Variants in LHFPL3 observed in about 807,000 individuals in gnomAD.
The protein encoded by LHFPL3 is LHFPL tetraspan subfamily member 3.
A neutral mutation model predicts 19.3 loss-of-function variants in LHFPL3; 5 were observed. That is an observed-to-expected ratio of 0.26 (90% CI 0.14 to 0.54). The LOEUF is 0.54. LHFPL3 is among the 20% of genes least tolerant of loss of function. The probability of loss-of-function intolerance (pLI) is 0.94; values close to 1 mark genes in which losing one functional copy is unlikely to be tolerated. For missense variants in LHFPL3, 249 were observed against 307.4 expected (o/e 0.81, Z 1.42); for synonymous variants, 133 against 126.2 (o/e 1.05, Z -0.36).
At chr7:104,821,923 C>T (rs1055781073) in intron 2 of LHFPL3, among the ~76,000 whole-genome samples, 2 of 152,294 alleles carry the variant, frequency 1.3e-5, no homozygotes, top group East Asian at 1.9e-4. Context: ...AGAGCTCCCC[C>T]AGTTTGTAAC....
chr7:104,454,881 A>G (rs909698268), intron 1 of LHFPL3, among the ~76,000 whole-genome samples: 2 of 152,246 alleles, frequency 1.3e-5, no homozygotes, highest in African/African-American at 4.8e-5. Flanking sequence ...TTTAATTCAT[A>G]AAGTACAAAT....
chr7:104,635,168 T>TG (rs560956497), intron 1 of LHFPL3, among the ~76,000 whole-genome samples: 35 of 151,786 alleles, frequency 2.3e-4, no homozygotes, highest in Admixed American at 1.1e-3. Flanking sequence ...ATAGACAATA[T>TG]GGGGGGGAAA....
chr7:104,837,682 T>C (rs1339764914), intron 2 of LHFPL3, among the ~76,000 whole-genome samples: 1 of 152,128 alleles, frequency 6.6e-6, no homozygotes, highest in East Asian at 1.9e-4. Flanking sequence ...CATGAGTAAG[T>C]TCTTTAGTGG....
chr7:104,426,413 C>T (rs184107036), intron 1 of LHFPL3, among the ~76,000 whole-genome samples: 12 of 152,180 alleles, frequency 7.9e-5, no homozygotes, highest in African/African-American at 2.9e-4. Flanking sequence ...TGTGCCACCA[C>T]GCCCAGCTAA....
chr7:104,854,113 C>A (rs10243336), intron 2 of LHFPL3, among the ~76,000 whole-genome samples: 15,248 of 152,116 alleles, frequency 0.1, 1,615 homozygotes, highest in East Asian at 0.43. Flanking sequence ...AACATAACTT[C>A]ACGTATACAT....
intron 1 of LHFPL3, among the ~76,000 whole-genome samples, chr7:104,541,103 G>GACACAC (rs58831498): frequency 0.18 from 24,104 of 134,452 alleles, 2,714 homozygotes; most frequent in South Asian, 0.28. Flanking sequence ...TCCTCCCCAT[G>GACACAC]ACACACACAC....
intron 1 of LHFPL3, chr7:104,622,900 A>C (rs1048448025): frequency 1.4e-5 from 3 of 219,936 alleles, no homozygotes; most frequent in African/African-American, 4.6e-5. Context: ...TTTCCACAGC[A>C]GCTGCACCAT....
chr7:104,868,523 G>A (rs1407870419), intron 2 of LHFPL3, among the ~76,000 whole-genome samples: 28 of 152,112 alleles, frequency 1.8e-4, no homozygotes, highest in African/African-American at 4.3e-4. Flanking sequence ...TACAAGGGAC[G>A]TGAAGGACCT....
At position 104,877,978 on chromosome 7, in the gene LHFPL3, C is replaced by T. The variant is rs535433783; in HGVS notation, c.683-28209C>T. ...CCTCCCGAGTAGCTGGGACTACAGG[C>T]GCACGCCACCACACCTGGCTAATTT... On this transcript the variant is annotated intron_variant, in intron 2 of 2. Coordinates refer to ENST00000424859, the MANE Select transcript of LHFPL3 (RefSeq NM_199000.3). 2.7e-4 allele frequency among the ~76,000 whole-genome samples: 41 copies of T among 152,138 alleles called. 1 individual carries two copies. Among genetic ancestry groups the T allele is most frequent in the African/African-American group, 8.9e-4 (37 of 41,510 alleles).
At chr7:104,524,502 GAGTGTCTAA>G (rs1794144931) in intron 1 of LHFPL3, among the ~76,000 whole-genome samples, 1 of 152,084 alleles carries the variant, frequency 6.6e-6, no homozygotes, top group Admixed American at 6.6e-5. Flanking sequence ...AGTCAGCTTG[GAGTGTCTAA>G]AGTACAAACC....
chr7:104,851,214 TCAAAAAA>T (rs1315291785), intron 2 of LHFPL3, among the ~76,000 whole-genome samples: 1 of 152,042 alleles, frequency 6.6e-6, no homozygotes, highest in African/African-American at 2.4e-5. Context: ...GCATCATAAC[TCAAAAAA>T]GAAATATTTC....
intron 1 of LHFPL3, among the ~76,000 whole-genome samples, chr7:104,526,450 T>C (rs1241222398): frequency 6.6e-6 from 1 of 152,226 alleles, no homozygotes; most frequent in African/African-American, 2.4e-5. Context: ...ATCCAAGCTC[T>C]GTAGTTACAA....
At chr7:104,481,336 A>G (rs562253135) in intron 1 of LHFPL3, among the ~76,000 whole-genome samples, 1 of 152,136 alleles carries the variant, frequency 6.6e-6, no homozygotes, top group South Asian at 2.1e-4. Context: ...TCCTACTTTC[A>G]TGCCTCCCAT....
chr7:104,443,019 T>C (rs1212600212), intron 1 of LHFPL3, among the ~76,000 whole-genome samples: 2 of 152,212 alleles, frequency 1.3e-5, no homozygotes, highest in Admixed American at 6.5e-5. Flanking sequence ...GATCCTCTCA[T>C]TGACTTGCAT....
intron 1 of LHFPL3, among the ~76,000 whole-genome samples, chr7:104,402,492 A>G (rs73403867): frequency 0.041 from 6,208 of 152,312 alleles, 439 homozygotes; most frequent in African/African-American, 0.14. Context: ...GAATGGATCT[A>G]GAATAGCCAT....
intron 1 of LHFPL3, among the ~76,000 whole-genome samples, chr7:104,373,578 G>A (rs145183863): frequency 5.8e-4 from 88 of 152,178 alleles, no homozygotes; most frequent in African/African-American, 2.1e-3. Flanking sequence ...GCCCAAGGTG[G>A]TCGGGGTACA....
chr7:104,868,617 G>A (rs1275790351), intron 2 of LHFPL3, among the ~76,000 whole-genome samples: 1 of 152,090 alleles, frequency 6.6e-6, no homozygotes, highest in African/African-American at 2.4e-5. Flanking sequence ...TCATGGGTAG[G>A]AAGAATCAAT....
At chr7:104,337,888 T>C (rs188973603) in intron 1 of LHFPL3, among the ~76,000 whole-genome samples, 9 of 152,224 alleles carry the variant, frequency 5.9e-5, no homozygotes, top group Non-Finnish European at 1.3e-4. Context: ...CAAAACATAG[T>C]ATTGACCACT....
rs564431152 is a variant in LHFPL3, at chr7:104,829,324, GCTTTT to G, written c.683-76862_683-76858del. On this transcript the variant is annotated intron_variant, in intron 2 of 2. Coordinates refer to ENST00000424859, the MANE Select transcript of LHFPL3 (RefSeq NM_199000.3). The stretch of plus-strand genomic sequence containing the variant: ...GTGGAGAGTGATAGATGTCATAGCT[GCTTTT>G]TTTTTTAATTATTATTATACTTTAA... Among the ~76,000 whole-genome samples, 22 of 151,588 alleles carry G rather than the reference GCTTTT, an allele frequency of 1.5e-4. No homozygotes were observed. In the South Asian group the frequency reaches 4.4e-3, roughly 30 times the overall value.
Sources: gnomAD v4.1 joint callset for allele counts (sites outside exome capture counted in the v4.1 genomes callset) on GRCh38, gnomAD v4.1.1 for gene constraint, MANE v1.5 for transcripts, NCBI Gene and HGNC (gene_info 2026-07-23, HGNC 2026-07-21) for gene names.